The following HS3ST4 variants were observed in gnomAD, a reference collection of about 807,000 sequenced individuals.
HS3ST4 encodes heparan sulfate glucosamine 3-O-sulfotransferase 4.
HS3ST4 carries 17 observed loss-of-function variants against 29.2 expected under a neutral mutation model. The ratio of observed to expected loss-of-function variants is 0.58; its 90% CI spans 0.40 to 0.87. The LOEUF is 0.87. Ranked by LOEUF, HS3ST4 falls within the 40% of genes least tolerant of loss-of-function variation. The pLI is 0.00. For synonymous variants in HS3ST4, 314 were observed against 285.7 expected (o/e 1.10, Z -1.00); for missense variants, 627 against 634.5 (o/e 0.99, Z 0.13).
In HS3ST4 at chr16:25,716,910, C is replaced by T. The variant is rs149513907; in HGVS notation, c.734+23759C>T. ...CTCTGCTAAAAATACAAAAATTAGC[C>T]GGGCATGATGGTGCACACCTATAAT... On this transcript the variant is annotated intron_variant, in intron 1 of 1. Coordinates refer to ENST00000331351, the MANE Select transcript of HS3ST4 (RefSeq NM_006040.3). 2.0e-3 allele frequency among the ~76,000 whole-genome samples: 307 copies of T among 152,142 alleles called. 1 individual carries two copies. The highest frequency in any genetic ancestry group is 6.6e-3 in the African/African-American group (276 of 41,510).
At chr16:25,875,515 C>T (rs1967821569) in intron 1 of HS3ST4, among the ~76,000 whole-genome samples, 1 of 152,100 alleles carries the variant, frequency 6.6e-6, no homozygotes, top group Non-Finnish European at 1.5e-5. Context: ...TCTAGCAATC[C>T]CTGGTCCATC....
chr16:25,958,281 C>T (rs1241384028), intron 1 of HS3ST4, among the ~76,000 whole-genome samples: 3 of 152,180 alleles, frequency 2.0e-5, no homozygotes. Context: ...TAATAACAGT[C>T]ATATTTTTGT....
At chr16:25,813,237 G>A (rs4430744) in intron 1 of HS3ST4, among the ~76,000 whole-genome samples, 185 of 152,282 alleles carry the variant, frequency 1.2e-3, no homozygotes, top group Middle Eastern at 3.4e-3. Flanking sequence ...AAAATCATGA[G>A]ATACCATTCT....
At chr16:26,107,359 C>G (rs542200172) in intron 1 of HS3ST4, among the ~76,000 whole-genome samples, 44 of 151,554 alleles carry the variant, frequency 2.9e-4, no homozygotes, top group African/African-American at 1.0e-3. Context: ...CAAACACACA[C>G]ACACACACAC....
In HS3ST4 at chr16:25,828,287, T is replaced by TCC. The variant is rs1470871151; in HGVS notation, c.734+135137_734+135138insCC. ...TTCTTTCTTTCTTTCTTTCTTTCTT[T>TCC]CTTTCTTTCTTTCCCTCTCTCTCTC... On this transcript the variant is annotated intron_variant, in intron 1 of 1. Coordinates refer to ENST00000331351, the MANE Select transcript of HS3ST4 (RefSeq NM_006040.3). 6.2e-5 allele frequency among the ~76,000 whole-genome samples: 6 copies of TCC among 96,248 alleles called. No individual in the cohort carries two copies. The South Asian group carries it at 1.7e-3, about 27-fold the overall frequency. 63.1% of individuals were successfully genotyped at this position (96,248 alleles called of 152,430 possible).
chr16:26,135,632 T>C lies in HS3ST4; in HGVS notation c.755T>C (p.Leu252Ser), dbSNP rs1045920741. 5 of 1,606,016 alleles carry C rather than the reference T, an allele frequency of 3.1e-6. No individual in the cohort carries two copies. The highest frequency in any genetic ancestry group is 4.3e-6 in the Non-Finnish European group (5 of 1,176,122). ...CCTAGAAATGTGATGCCCAAGACTT[T>C]GGATGGGCAAATAACCATGGAGAAG... ...EWYRNVMPKT[L>S]DGQITMEKTP... The change falls in exon 2 of 2, where the codon TTG becomes TCG. Residue 252 changes from leucine (L) to serine (S), a missense_variant. By Grantham distance (145) the Leu-to-Ser change is moderately radical. Transcript: ENST00000331351.
chr16:25,715,184 C>T (rs1007591899), intron 1 of HS3ST4, among the ~76,000 whole-genome samples: 28 of 151,626 alleles, frequency 1.8e-4, no homozygotes, highest in East Asian at 1.4e-3. Context: ...TAGCCGGGCG[C>T]GGTGGCGGGC....
At chr16:25,996,810 C>T (rs1969162858) in intron 1 of HS3ST4, among the ~76,000 whole-genome samples, 1 of 152,102 alleles carries the variant, frequency 6.6e-6, no homozygotes, top group South Asian at 2.1e-4. Flanking sequence ...TTTAAAATTA[C>T]ATTCCATTAA....
At chr16:25,782,726 A>G (rs534143584) in intron 1 of HS3ST4, among the ~76,000 whole-genome samples, 1 of 152,268 alleles carries the variant, frequency 6.6e-6, no homozygotes, top group African/African-American at 2.4e-5. Context: ...AAGCAACTCA[A>G]ATATCAGCTT....
At chr16:25,699,084 G>A (rs1199377972) in intron 1 of HS3ST4, among the ~76,000 whole-genome samples, 1 of 152,172 alleles carries the variant, frequency 6.6e-6, no homozygotes, top group Non-Finnish European at 1.5e-5. Context: ...AGCCCAGTGG[G>A]GGCCAACATT....
chr16:25,924,622 A>G (rs1199936785), intron 1 of HS3ST4, among the ~76,000 whole-genome samples: 1 of 152,254 alleles, frequency 6.6e-6, no homozygotes, highest in Non-Finnish European at 1.5e-5. Context: ...AAATCTTTGC[A>G]ATGGCCATAA....
At chr16:25,964,045 G>A (rs1968819333) in intron 1 of HS3ST4, among the ~76,000 whole-genome samples, 1 of 151,960 alleles carries the variant, frequency 6.6e-6, no homozygotes, top group South Asian at 2.1e-4. Flanking sequence ...CATGGTGGTG[G>A]ATGCCTGTAA....
chr16:25,759,910 A>C (rs572272930), intron 1 of HS3ST4, among the ~76,000 whole-genome samples: 1 of 152,306 alleles, frequency 6.6e-6, no homozygotes, highest in Non-Finnish European at 1.5e-5. Context: ...AAGAGAAAAA[A>C]AAAGGAAATA....
At position 25,830,561 on chromosome 16, in the gene HS3ST4, C is replaced by T. The variant is rs187879667; in HGVS notation, c.734+137410C>T. Among the ~76,000 whole-genome samples the T allele has an allele frequency of 1.7e-3, 257 of 152,290 alleles. 2 individuals carry two copies. The highest frequency in any genetic ancestry group is 4.0e-3 in the African/African-American group (165 of 41,556). On this transcript the variant is annotated intron_variant, in intron 1 of 1. Coordinates refer to ENST00000331351, the MANE Select transcript of HS3ST4 (RefSeq NM_006040.3). ...AATGACTAAGTTGACTTAAAGATGT[C>T]GCCAGTGTCCCCAGTGTCCTGAAAT... is the stretch of plus-strand genomic sequence containing the variant.
chr16:26,033,721 AAGAAAGACGGAC>A (rs1969555312), intron 1 of HS3ST4, among the ~76,000 whole-genome samples: 1 of 151,960 alleles, frequency 6.6e-6, no homozygotes, highest in African/African-American at 2.4e-5. Flanking sequence ...GACCTTGAGA[AAGAAAGACGGAC>A]AGAAAGACAG....
At chr16:25,837,617 T>C (rs1484781155) in intron 1 of HS3ST4, among the ~76,000 whole-genome samples, 1 of 152,126 alleles carries the variant, frequency 6.6e-6, no homozygotes, top group Non-Finnish European at 1.5e-5. Context: ...AGGATAGTCC[T>C]TTGTAAGGCG....
intron 1 of HS3ST4, among the ~76,000 whole-genome samples, chr16:25,765,093 GGA>G (rs1466006948): frequency 1.3e-5 from 2 of 152,230 alleles, no homozygotes; most frequent in East Asian, 3.8e-4. Context: ...CATGGCGGAG[GGA>G]GAGTCTGTGT....
At chr16:26,107,158 G>T (rs964878986) in intron 1 of HS3ST4, among the ~76,000 whole-genome samples, 1 of 152,150 alleles carries the variant, frequency 6.6e-6, no homozygotes, top group South Asian at 2.1e-4. Flanking sequence ...GTTGGAGTTG[G>T]ATAATCCTGG....
intron 1 of HS3ST4, among the ~76,000 whole-genome samples, chr16:26,118,293 CTGGGTTCAAGCAA>C (rs1181029281): frequency 6.6e-6 from 1 of 152,106 alleles, no homozygotes; most frequent in Non-Finnish European, 1.5e-5. Context: ...TCTTGAATTC[CTGGGTTCAAGCAA>C]TGGGTTCAAG....
Sources: allele counts gnomAD v4.1 joint callset (sites outside exome capture counted in the v4.1 genomes callset), GRCh38; gene constraint gnomAD v4.1.1; transcripts MANE v1.5; gene names NCBI Gene and HGNC (gene_info 2026-07-23, HGNC 2026-07-21).